Variants in KIAA1210 observed in about 807,000 individuals in gnomAD.
The protein encoded by KIAA1210 is KIAA1210.
Under a neutral mutation model 78.9 loss-of-function variants are expected in KIAA1210, and 48 were observed. That is an observed-to-expected ratio of 0.61 (90% CI 0.48 to 0.77). The LOEUF (loss-of-function observed/expected upper bound fraction) is 0.77, where lower values mean the gene tolerates loss of function less well. Ranked by LOEUF, KIAA1210 falls within the 30% of genes least tolerant of loss-of-function variation. KIAA1210 has a pLI of 0.00. For synonymous variants in KIAA1210, 406 were observed against 404.5 expected (o/e 1.00, Z -0.04); for missense variants, 1,108 against 1,100.0 (o/e 1.01, Z -0.10).
intron 2 of KIAA1210, among the ~76,000 whole-genome samples, chrX:119,140,899 A>T (rs760207577): frequency 8.9e-6 from 1 of 111,977 alleles, no homozygotes; most frequent in South Asian, 3.8e-4. Context: ...ACACAGCAAG[A>T]CCCCATTTTT....
chrX:119,104,696 TA>T (rs1298056962), intron 6 of KIAA1210, among the ~76,000 whole-genome samples: 2 of 112,564 alleles, frequency 1.8e-5, no homozygotes, highest in Non-Finnish European at 3.7e-5. Context: ...TTTCTAAGTG[TA>T]GAGTCTATGC....
rs370323808 is a variant in KIAA1210, at chrX:119,082,972, C to T, written c.4426+43G>A. On this transcript the variant is annotated intron_variant, in intron 11 of 11. Transcript: ENST00000691062. The stretch of plus-strand genomic sequence containing the variant: ...GAAATTGCAAAAGTTTTACAACATT[C>T]TGTCGGGGCTGTTTTTTGAGAGGTC... 14 of 931,152 alleles carry T rather than the reference C, an allele frequency of 1.5e-5. No individual in the cohort carries two copies. The African/African-American group carries it at 2.0e-4, about 13-fold the overall frequency. The allele number at this position is 931,152 out of a possible 1,213,427, so 76.7% of individuals were successfully genotyped here.
chrX:119,136,787 AG>A (rs1250970528), intron 2 of KIAA1210, among the ~76,000 whole-genome samples: 1 of 112,445 alleles, frequency 8.9e-6, no homozygotes, highest in African/African-American at 3.2e-5. Context: ...TTAGGACCTC[AG>A]ATTTCTTTAA....
At chrX:119,139,591 G>A (rs778969056) in intron 2 of KIAA1210, among the ~76,000 whole-genome samples, 4 of 111,726 alleles carry the variant, frequency 3.6e-5, no homozygotes, top group Admixed American at 9.5e-5. Context: ...TGTCCTCCCC[G>A]TGGTGGTAAT....
At chrX:119,105,695 T>C (rs1927872050) in intron 5 of KIAA1210, among the ~76,000 whole-genome samples, 1 of 112,182 alleles carries the variant, frequency 8.9e-6, no homozygotes, top group Non-Finnish European at 1.9e-5. Flanking sequence ...AAAGAAAATC[T>C]ACAGAATTTA....
chrX:119,096,460 A>C, intron 7 of KIAA1210, 34 bp downstream of exon 7: 1 of 1,135,732 alleles, frequency 8.8e-7, no homozygotes, highest in Non-Finnish European at 1.2e-6. Context: ...TTTCTTATAC[A>C]GGAGTTTAGT....
At position 119,088,305 on chromosome X, in the gene KIAA1210, G is replaced by T; in HGVS notation, c.2397C>A (p.Ser799Arg). ...TAGGAGGCAGAGGCTTCATAGAAAT[G>T]CTCTCTTCAACAGCCATGCTCTTTG... is the stretch of plus-strand genomic sequence containing the variant. ...SSPKSMAVEE[S>R]ISMKPLPPKL... The change falls in exon 9 of 12, where the codon AGC becomes AGA. Residue 799 changes from serine to arginine, a missense_variant. Ser to Arg is a moderately radical substitution (Grantham distance 110). Coordinates refer to ENST00000691062, the MANE Select transcript of KIAA1210 (RefSeq NM_001394962.1). 8.3e-7 allele frequency: 1 copy of T among 1,210,859 alleles called. No homozygotes were observed. The highest frequency in any genetic ancestry group is 1.1e-6 in the Non-Finnish European group (1 of 895,029).
At chrX:119,119,847 G>A (rs1219122866) in intron 2 of KIAA1210, among the ~76,000 whole-genome samples, 1 of 109,982 alleles carries the variant, frequency 9.1e-6, no homozygotes, top group Non-Finnish European at 1.9e-5. Flanking sequence ...GCGGTGGCAG[G>A]TGCCTGTAGT....
rs1217622661 is a variant in KIAA1210, at chrX:119,079,639, AG to A, written c.*1689del. 6 of 111,651 alleles carry A rather than the reference AG, an allele frequency of 5.4e-5. No homozygotes were observed. The Admixed American group carries it at 5.7e-4, about 11-fold the overall frequency. 9.2% of individuals were successfully genotyped at this position (111,651 alleles called of 1,213,427 possible). On this transcript the variant is annotated 3_prime_UTR_variant, in exon 12 of 12. Coordinates refer to ENST00000691062, the MANE Select transcript of KIAA1210 (RefSeq NM_001394962.1). ...AAAAAGACCGTGTGGCAAGATGGGA[AG>A]GGAGGCATCAACATTTGCTGGGCCA...
rs1603273814 is a variant in KIAA1210, at chrX:119,147,718, G to A, written c.290-125C>T. ...ATGTGTTAGCCAAGAGGAAGTCCAC[G>A]GCCTAGAAGGCCAGAGGCCTGGAGA... On this transcript the variant is annotated intron_variant, in intron 1 of 13. Transcript: ENST00000402510. 7.5e-5 allele frequency: 52 copies of A among 692,652 alleles called. 1 individual carries two copies. The East Asian group carries it at 9.1e-4, about 12-fold the overall frequency. 57.1% of individuals were successfully genotyped at this position (692,652 alleles called of 1,213,427 possible).
rs968809437 is a variant in KIAA1210, at chrX:119,080,381, G to C, written c.*948C>G. 14 of 111,703 alleles carry C rather than the reference G, an allele frequency of 1.3e-4. No homozygotes were observed. Among genetic ancestry groups the C allele is most frequent in the African/African-American group, 4.2e-4 (13 of 30,651 alleles). 9.2% of individuals were successfully genotyped at this position (111,703 alleles called of 1,213,427 possible). ...GCATCAGGGGCCCCCAGGGACACAG[G>C]GAAGATGTTTCAAGGGGTGATAGGC... On this transcript the variant is annotated 3_prime_UTR_variant, in exon 12 of 12. Coordinates refer to ENST00000691062, the MANE Select transcript of KIAA1210 (RefSeq NM_001394962.1).
chrX:119,134,727 C>T (rs757713485), intron 2 of KIAA1210, among the ~76,000 whole-genome samples: 1 of 112,169 alleles, frequency 8.9e-6, no homozygotes, highest in South Asian at 3.7e-4. Context: ...TTCAGAAATA[C>T]CTCTGAGCAC....
intron 6 of KIAA1210, among the ~76,000 whole-genome samples, chrX:119,099,791 G>A (rs1385335589): frequency 9.0e-6 from 1 of 111,703 alleles, no homozygotes; most frequent in African/African-American, 3.3e-5. Flanking sequence ...GAAGATCAGG[G>A]GAAAGGCTTT....
chrX:119,089,332 G>C lies in KIAA1210; in HGVS notation c.1370C>G (p.Ala457Gly), dbSNP rs1382975510. 1.7e-6 allele frequency: 2 copies of C among 1,211,636 alleles called. No individual in the cohort carries two copies. ...CATGTTTTCAGGTATGGGCTGTGCT[G>C]CTGATGCTTTTCTGGATCCGAAATC... is the stretch of plus-strand genomic sequence containing the variant. Reference protein sequence around the residue: ...GIDFGSRKASAAQPIPENMDN... With the variant: ...GIDFGSRKASGAQPIPENMDN... Residue 457 changes from alanine (A) to glycine (G), a missense_variant, in exon 9 of 12, where the codon GCA (alanine) becomes GGA (glycine). Physicochemically the swap from Ala to Gly is moderately conservative, Grantham distance 60. Coordinates refer to ENST00000691062, the MANE Select transcript of KIAA1210 (RefSeq NM_001394962.1).
At chrX:119,112,130 T>C (rs1013400909) in intron 3 of KIAA1210, among the ~76,000 whole-genome samples, 5 of 111,560 alleles carry the variant, frequency 4.5e-5, no homozygotes, top group Admixed American at 9.6e-5. Context: ...ACTGCCACCA[T>C]GTAAGACGTG....
intron 3 of KIAA1210, among the ~76,000 whole-genome samples, chrX:119,113,781 T>C (rs1209446872): frequency 9.1e-6 from 1 of 110,382 alleles, no homozygotes; most frequent in Non-Finnish European, 1.9e-5. Flanking sequence ...CACGAAAAAA[T>C]AAAGGAAGAA....
At chrX:119,121,775 T>A (rs751138239) in intron 2 of KIAA1210, among the ~76,000 whole-genome samples, 254 of 102,548 alleles carry the variant, frequency 2.5e-3, no homozygotes, top group Non-Finnish European at 3.3e-3. Context: ...TTATTTATTA[T>A]TTTTTTTTTT....
intron 7 of KIAA1210, chrX:119,094,107 G>A: frequency 9.0e-7 from 1 of 1,111,348 alleles, no homozygotes; most frequent in Non-Finnish European, 1.2e-6. Context: ...CTGAAAACGG[G>A]GTCATTGGGC....
intron 7 of KIAA1210, among the ~76,000 whole-genome samples, chrX:119,095,498 C>G (rs1198438962): frequency 9.0e-6 from 1 of 111,588 alleles, no homozygotes; most frequent in Non-Finnish European, 1.9e-5. Flanking sequence ...AAGCAATTCT[C>G]CTGCCTCAGC....
Sources: allele counts gnomAD v4.1 joint callset (sites outside exome capture counted in the v4.1 genomes callset), GRCh38; gene constraint gnomAD v4.1.1; transcripts MANE v1.5; gene names NCBI Gene and HGNC (gene_info 2026-07-23, HGNC 2026-07-21).